KLHL2: variants seen among roughly 807,000 people sequenced by gnomAD.
The protein encoded by KLHL2 is kelch like family member 2, also known as kelch-like protein 2.
In KLHL2, 15 loss-of-function variants were observed where a neutral mutation model predicts 75.8. The ratio of observed to expected loss-of-function variants is 0.20; its 90% confidence interval spans 0.13 to 0.30. The LOEUF (loss-of-function observed/expected upper bound fraction) is 0.30, where lower values mean the gene tolerates loss of function less well. KLHL2 is among the 10% of genes least tolerant of loss of function. KLHL2 has a pLI of 1.00. For missense variants in KLHL2, 381 were observed against 741.0 expected (o/e 0.51, Z 5.64); for synonymous variants, 214 against 251.9 (o/e 0.85, Z 1.42).
At position 165,216,824 on chromosome 4, in the gene KLHL2, A is replaced by G. The variant is rs189375760; in HGVS notation, c.27-3110A>G. 2.0e-5 allele frequency among the ~76,000 whole-genome samples: 3 copies of G among 152,330 alleles called. No individual in the cohort carries two copies. In the East Asian group the frequency reaches 5.8e-4, roughly 29 times the overall value. On this transcript the variant is annotated intron_variant, in intron 1 of 14. Transcript: ENST00000226725. ...TTGTAAGTGACTCTCGGTACAGAGA[A>G]CACTTAACAAAATTCAGTGTTTTTT...
chr4:165,262,760 G>A (rs1741795043), intron 4 of KLHL2, among the ~76,000 whole-genome samples: 1 of 152,098 alleles, frequency 6.6e-6, no homozygotes, highest in Admixed American at 6.5e-5. Flanking sequence ...TATATTTTTT[G>A]TAGAGATGAG....
intron 5 of KLHL2, among the ~76,000 whole-genome samples, chr4:165,281,750 A>G (rs12512319): frequency 0.24 from 35,855 of 152,050 alleles, 6,312 homozygotes; most frequent in African/African-American, 0.5. Context: ...TGTTCATTAT[A>G]GAAGGAATGG....
chr4:165,306,919 G>A (rs887209555), intron 9 of KLHL2, among the ~76,000 whole-genome samples: 6 of 152,034 alleles, frequency 3.9e-5, no homozygotes, highest in Admixed American at 3.9e-4. Context: ...TGTGTCTCTG[G>A]ACTTAAAATT....
chr4:165,279,280 G>C, intron 5 of KLHL2: 1 of 1,535,384 alleles, frequency 6.5e-7, no homozygotes, highest in Non-Finnish European at 9.0e-7. Flanking sequence ...GACTCTCAAC[G>C]GTAGACTGTG....
intron 4 of KLHL2, among the ~76,000 whole-genome samples, chr4:165,246,545 A>G (rs1367722710): frequency 4.6e-5 from 7 of 152,198 alleles, no homozygotes; most frequent in South Asian, 2.1e-4. Context: ...ATGGTGAACA[A>G]TAGATTTGGG....
intron 8 of KLHL2, among the ~76,000 whole-genome samples, chr4:165,305,295 C>T (rs1387301893): frequency 2.0e-5 from 3 of 151,830 alleles, no homozygotes; most frequent in Non-Finnish European, 4.4e-5. Context: ...CTATGACATA[C>T]TGCAGCCTTG....
chr4:165,305,452 T>G (rs1745658537), intron 8 of KLHL2, among the ~76,000 whole-genome samples, 156 bp from the exon 9 acceptor site: 1 of 152,244 alleles, frequency 6.6e-6, no homozygotes, highest in African/African-American at 2.4e-5. Context: ...GGTTGATGTT[T>G]ATGAAATGTT....
intron 2 of KLHL2, among the ~76,000 whole-genome samples, chr4:165,221,396 G>A (rs1737979769): frequency 6.6e-6 from 1 of 152,210 alleles, no homozygotes; most frequent in African/African-American, 2.4e-5. Context: ...AAGTCAGGAT[G>A]GGAGTGAGGA....
At chr4:165,225,441 A>C (rs1409244619) in intron 2 of KLHL2, among the ~76,000 whole-genome samples, 1 of 152,230 alleles carries the variant, frequency 6.6e-6, no homozygotes, top group Non-Finnish European at 1.5e-5. Flanking sequence ...ATACATGCAA[A>C]TTTTGCTAAA....
chr4:165,278,775 G>A (rs1050906064), intron 5 of KLHL2: 5 of 1,549,808 alleles, frequency 3.2e-6, no homozygotes, highest in East Asian at 4.5e-5. Flanking sequence ...ACACACTTAT[G>A]GCCTGTATTA....
rs900156023 is a variant in KLHL2 at position 165,319,515 on chromosome 4, G to A, written c.1753+1546G>A. Among the ~76,000 whole-genome samples the A allele has an allele frequency of 6.6e-6, 1 of 152,168 alleles. No individual in the cohort carries two copies. The highest frequency in any genetic ancestry group is 2.4e-5 in the African/African-American group (1 of 41,436). ...AGGGATCATTGTAAAAAGGAAAAAG[G>A]AAATTCATGAAGCCGTCCCTGCAGC... On this transcript the variant is annotated intron_variant, in intron 14 of 14. Transcript: ENST00000226725. This position sits in a 1 kb window ranked among gnomAD's most constrained non-coding sequence, Gnocchi z 4.5.
intron 8 of KLHL2, among the ~76,000 whole-genome samples, chr4:165,304,691 C>A (rs1745592855): frequency 2.6e-5 from 4 of 152,204 alleles, no homozygotes; most frequent in Admixed American, 2.0e-4. Flanking sequence ...AGGAAGCTTT[C>A]ACTAAATTAC....
intron 8 of KLHL2, among the ~76,000 whole-genome samples, chr4:165,302,308 G>GTTA (rs1745410388): frequency 6.8e-6 from 1 of 147,674 alleles, no homozygotes; most frequent in Non-Finnish European, 1.5e-5. Context: ...TTCAGATTAA[G>GTTA]TCTAAGGAGT....
intron 5 of KLHL2, among the ~76,000 whole-genome samples, chr4:165,271,957 T>C (rs1454243307): frequency 6.6e-6 from 1 of 152,198 alleles, no homozygotes; most frequent in African/African-American, 2.4e-5. Context: ...GGAGAATGCA[T>C]GTGTGTATAT....
At chr4:165,281,059 T>C (rs1461095939) in intron 5 of KLHL2, among the ~76,000 whole-genome samples, 1 of 152,204 alleles carries the variant, frequency 6.6e-6, no homozygotes, top group Non-Finnish European at 1.5e-5. Context: ...TCAGAGACTA[T>C]TGTTATTCAT....
At chr4:165,254,961 T>A (rs1409362294) in intron 4 of KLHL2, among the ~76,000 whole-genome samples, 1 of 152,140 alleles carries the variant, frequency 6.6e-6, no homozygotes, top group Non-Finnish European at 1.5e-5. Flanking sequence ...AAGCGCTGAG[T>A]CAGAGCTGAT....
intron 10 of KLHL2, among the ~76,000 whole-genome samples, chr4:165,311,046 A>G (rs1031070686): frequency 4.6e-5 from 7 of 151,616 alleles, no homozygotes; most frequent in Non-Finnish European, 1.0e-4. Flanking sequence ...TTTAGTAGAG[A>G]CGGGGTTTCA....
At chr4:165,302,412 A>C (rs1423202646) in intron 8 of KLHL2, among the ~76,000 whole-genome samples, 1 of 152,210 alleles carries the variant, frequency 6.6e-6, no homozygotes, top group Non-Finnish European at 1.5e-5. Flanking sequence ...AATTGAACAA[A>C]ATGTGGTAGT....
chr4:165,298,714 A>G (rs1204064575), intron 7 of KLHL2, among the ~76,000 whole-genome samples: 2 of 152,086 alleles, frequency 1.3e-5, no homozygotes, highest in Non-Finnish European at 2.9e-5. Context: ...AGGCGGAGGC[A>G]GGCATGAGGC....
Sources: allele counts gnomAD v4.1 joint callset (sites outside exome capture counted in the v4.1 genomes callset), GRCh38; gene constraint gnomAD v4.1.1; non-coding constraint Gnocchi (gnomAD v3.1); transcripts MANE v1.5; gene names NCBI Gene and HGNC (gene_info 2026-07-23, HGNC 2026-07-21).